Variants in GALNTL6 observed in about 807,000 individuals in gnomAD.
The protein encoded by GALNTL6 is polypeptide N-acetylgalactosaminyltransferase-like 6.
Under a neutral mutation model 73.7 loss-of-function variants are expected in GALNTL6, and 46 were observed. That is an observed-to-expected ratio of 0.62 (90% CI 0.49 to 0.80). GALNTL6 has a LOEUF of 0.80. Ranked by LOEUF, GALNTL6 falls within the 30% of genes least tolerant of loss-of-function variation. The pLI is 0.00. For missense variants in GALNTL6, 604 were observed against 755.0 expected, an observed-to-expected ratio of 0.80 and a Z score of 2.34; for synonymous variants, 259 against 263.7, an observed-to-expected ratio of 0.98 and a Z score of 0.17.
intron 5 of GALNTL6, among the ~76,000 whole-genome samples, chr4:172,472,621 A>G (rs1455774591): frequency 2.0e-5 from 3 of 152,170 alleles, no homozygotes; most frequent in Non-Finnish European, 2.9e-5. Context: ...TTATTCCCAT[A>G]TAAGGCCCAT....
chr4:171,839,077 T>TA (rs1365706043), intron 2 of GALNTL6, among the ~76,000 whole-genome samples: 1 of 152,108 alleles, frequency 6.6e-6, no homozygotes, highest in Non-Finnish European at 1.5e-5. Flanking sequence ...TTTTTTTTTT[T>TA]ATGTAGTAGT....
At chr4:171,906,912 G>A (rs143734664) in intron 2 of GALNTL6, among the ~76,000 whole-genome samples, 1 of 152,120 alleles carries the variant, frequency 6.6e-6, no homozygotes, top group Non-Finnish European at 1.5e-5. Context: ...TACCTCAATA[G>A]ATGCAGAAAA....
At chr4:172,424,481 C>T (rs1048904991) in intron 5 of GALNTL6, among the ~76,000 whole-genome samples, 5 of 151,936 alleles carry the variant, frequency 3.3e-5, no homozygotes, top group Middle Eastern at 3.2e-3. Context: ...GTTTTAGTGA[C>T]GGTGAGCTAA....
chr4:172,621,481 T>G, intron 5 of GALNTL6, among the ~76,000 whole-genome samples: 1 of 152,196 alleles, frequency 6.6e-6, no homozygotes, highest in East Asian at 1.9e-4. Context: ...CCCCTAATTC[T>G]GTTATCAACA....
intron 5 of GALNTL6, among the ~76,000 whole-genome samples, chr4:172,808,877 GA>G (rs920941366): frequency 2.1e-4 from 32 of 152,232 alleles, no homozygotes; most frequent in Admixed American, 1.9e-3. Flanking sequence ...ACTTCTGGGG[GA>G]AAAAATCTGT....
chr4:172,818,887 G>A (rs369988097), intron 7 of GALNTL6, among the ~76,000 whole-genome samples: 73 of 152,258 alleles, frequency 4.8e-4, no homozygotes, highest in East Asian at 4.2e-3. Flanking sequence ...ATGAGCCACC[G>A]CACTTGGCCA....
chr4:172,803,895 T>C (rs1740806037), intron 5 of GALNTL6, among the ~76,000 whole-genome samples: 1 of 152,212 alleles, frequency 6.6e-6, no homozygotes, highest in Admixed American at 6.5e-5. Context: ...ATGGACTTTT[T>C]TGTGCTCCAG....
intron 2 of GALNTL6, among the ~76,000 whole-genome samples, chr4:172,193,421 C>A (rs1735645605): frequency 6.6e-6 from 1 of 152,170 alleles, no homozygotes; most frequent in East Asian, 1.9e-4. Context: ...CAGCAAACCA[C>A]AGCAGCCTGG....
At chr4:172,253,728 T>C (rs538491900) in intron 3 of GALNTL6, among the ~76,000 whole-genome samples, 21 of 151,956 alleles carry the variant, frequency 1.4e-4, no homozygotes, top group Admixed American at 2.6e-4. Context: ...GAGTATAATA[T>C]AATCAGCACA....
intron 2 of GALNTL6, among the ~76,000 whole-genome samples, chr4:172,028,660 T>C (rs1741671200): frequency 6.6e-6 from 1 of 152,068 alleles, no homozygotes; most frequent in South Asian, 2.1e-4. Context: ...TCACAAATTT[T>C]TACTGTACTC....
At chr4:172,378,428 C>G (rs562212339) in intron 5 of GALNTL6, among the ~76,000 whole-genome samples, 1 of 152,228 alleles carries the variant, frequency 6.6e-6, no homozygotes, top group African/African-American at 2.4e-5. Context: ...AATCTGGAAA[C>G]AGTTAAGCAC....
intron 5 of GALNTL6, among the ~76,000 whole-genome samples, chr4:172,409,608 C>T (rs998559994): frequency 7.9e-5 from 12 of 151,816 alleles, no homozygotes; most frequent in Admixed American, 5.9e-4. Flanking sequence ...ATATATAATA[C>T]TAATGAGAAC....
At chr4:172,220,315 A>G (rs1262725854) in intron 2 of GALNTL6, among the ~76,000 whole-genome samples, 3 of 151,762 alleles carry the variant, frequency 2.0e-5, no homozygotes, top group Non-Finnish European at 4.4e-5. Flanking sequence ...GCTTCCTTCT[A>G]CTTGAATATA....
At chr4:172,856,781 AT>A (rs1194421748) in intron 7 of GALNTL6, among the ~76,000 whole-genome samples, 4 of 152,172 alleles carry the variant, frequency 2.6e-5, no homozygotes, top group African/African-American at 4.8e-5. Flanking sequence ...TGTCAAGCCT[AT>A]TTTTAAGAAA....
intron 5 of GALNTL6, among the ~76,000 whole-genome samples, chr4:172,614,930 T>A (rs1189669926): frequency 1.3e-5 from 2 of 151,944 alleles, no homozygotes; most frequent in Non-Finnish European, 2.9e-5. Context: ...GCAGAAAGTT[T>A]AAAAAAAATG....
At chr4:172,527,090 C>G (rs1319289757) in intron 5 of GALNTL6, among the ~76,000 whole-genome samples, 2 of 152,186 alleles carry the variant, frequency 1.3e-5, no homozygotes, top group South Asian at 2.1e-4. Context: ...ACAGTATAAC[C>G]ACAGATCTGG....
chr4:171,989,520 G>C (rs1740263479), intron 2 of GALNTL6, among the ~76,000 whole-genome samples: 1 of 152,206 alleles, frequency 6.6e-6, no homozygotes, highest in Non-Finnish European at 1.5e-5. Context: ...GGAGGTTCTG[G>C]AGGAACCCCT....
intron 2 of GALNTL6, among the ~76,000 whole-genome samples, chr4:172,194,777 T>C (rs1447169117): frequency 1.3e-5 from 2 of 152,154 alleles, no homozygotes; most frequent in Admixed American, 6.6e-5. Context: ...GGCCTGCCTT[T>C]CAAGAGCTCC....
chr4:172,727,427 G>A (rs1467797207), intron 5 of GALNTL6, among the ~76,000 whole-genome samples: 1 of 152,108 alleles, frequency 6.6e-6, no homozygotes, highest in African/African-American at 2.4e-5. Context: ...ATTCACTAAT[G>A]AGCAAATAAA....
Sources: gnomAD v4.1 joint callset for allele counts (sites outside exome capture counted in the v4.1 genomes callset) on GRCh38, gnomAD v4.1.1 for gene constraint, MANE v1.5 for transcripts, NCBI Gene and HGNC (gene_info 2026-07-23, HGNC 2026-07-21) for gene names.